RBMS3: variants seen among roughly 807,000 people sequenced by gnomAD.
RBMS3 encodes the protein RNA binding motif single stranded interacting protein 3.
Under a neutral mutation model 66.8 loss-of-function variants are expected in RBMS3, and 27 were observed. That is an observed-to-expected ratio of 0.40 (90% CI 0.30 to 0.56). The LOEUF is 0.56. Among genes scored for constraint, RBMS3 ranks in the 20% least tolerant of loss-of-function variants. The pLI is 0.40. For missense variants in RBMS3, 513 were observed against 549.5 expected, an observed-to-expected ratio of 0.93 and a Z score of 0.66; for synonymous variants, 188 against 183.0, an observed-to-expected ratio of 1.03 and a Z score of -0.22.
intron 2 of RBMS3, among the ~76,000 whole-genome samples, chr3:29,439,289 T>C (rs559423019): frequency 2.0e-5 from 3 of 152,294 alleles, no homozygotes; most frequent in Admixed American, 1.3e-4. Context: ...CATAGCTATA[T>C]TTTTGTTTCA....
intron 3 of RBMS3, chr3:29,537,719 A>T (rs2045619393): frequency 6.7e-6 from 1 of 149,156 alleles, no homozygotes; most frequent in African/African-American, 2.5e-5. Context: ...GCTGCTGGGG[A>T]GGTTGAGGCA....
chr3:29,971,176 C>T (rs1289884057), intron 12 of RBMS3, among the ~76,000 whole-genome samples: 11 of 152,232 alleles, frequency 7.2e-5, no homozygotes, highest in African/African-American at 2.4e-4. Context: ...CTCACTTGTC[C>T]ACCCTGGCCC....
At chr3:29,678,753 G>A (rs1202030132) in intron 4 of RBMS3, among the ~76,000 whole-genome samples, 2 of 152,004 alleles carry the variant, frequency 1.3e-5, no homozygotes, top group African/African-American at 4.8e-5. Flanking sequence ...AGAAGGCTAC[G>A]GGATACTGGA....
At chr3:29,603,309 A>G (rs548352986) in intron 4 of RBMS3, among the ~76,000 whole-genome samples, 2 of 152,146 alleles carry the variant, frequency 1.3e-5, no homozygotes, top group Admixed American at 1.3e-4. Flanking sequence ...TCTCATGTCT[A>G]ACTCCAAAAC....
At chr3:29,720,711 TGTGTGA>T (rs1214266667) in intron 4 of RBMS3, among the ~76,000 whole-genome samples, 65 of 151,396 alleles carry the variant, frequency 4.3e-4, no homozygotes, top group African/African-American at 1.5e-3. Flanking sequence ...TGTGTGTGTG[TGTGTGA>T]GTGTGTGTGT....
At chr3:29,388,654 C>A (rs1020439841) in intron 1 of RBMS3, among the ~76,000 whole-genome samples, 4 of 152,138 alleles carry the variant, frequency 2.6e-5, no homozygotes, top group African/African-American at 9.7e-5. Context: ...GGCTCACTGC[C>A]AGCTCTGCCT....
chr3:29,677,074 A>C (rs2051288301), intron 4 of RBMS3, among the ~76,000 whole-genome samples: 1 of 152,158 alleles, frequency 6.6e-6, no homozygotes, highest in Non-Finnish European at 1.5e-5. Flanking sequence ...ACCAAGAAAG[A>C]CAGAAAGCTA....
intron 1 of RBMS3, among the ~76,000 whole-genome samples, chr3:29,378,404 G>A (rs1025621214): frequency 2.0e-5 from 3 of 151,724 alleles, no homozygotes; most frequent in Non-Finnish European, 2.9e-5. Context: ...ACCCGGAGGC[G>A]GAGCTTGCAG....
intron 6 of RBMS3, among the ~76,000 whole-genome samples, chr3:29,833,785 T>C (rs981244227): frequency 2.6e-5 from 4 of 152,018 alleles, no homozygotes; most frequent in African/African-American, 9.7e-5. Context: ...ATGGCTGAAA[T>C]ATTTCCAAAT....
chr3:29,438,052 C>CTT (rs1488527196), intron 2 of RBMS3, among the ~76,000 whole-genome samples: 30 of 151,996 alleles, frequency 2.0e-4, no homozygotes, highest in Admixed American at 5.3e-4. Flanking sequence ...CTCTCTCTCT[C>CTT]TCTCTCTCTC....
At chr3:29,785,153 C>T (rs1204071467) in intron 6 of RBMS3, among the ~76,000 whole-genome samples, 1 of 152,024 alleles carries the variant, frequency 6.6e-6, no homozygotes, top group Non-Finnish European at 1.5e-5. Context: ...GGGATCTTCC[C>T]TAAATCAATC....
chr3:29,372,747 T>G (rs2038270656), intron 1 of RBMS3, among the ~76,000 whole-genome samples: 1 of 152,124 alleles, frequency 6.6e-6, no homozygotes, highest in African/African-American at 2.4e-5. Context: ...AATTGAAATA[T>G]GTACTCTGCC....
At chr3:29,459,874 G>A (rs2042316918) in intron 2 of RBMS3, among the ~76,000 whole-genome samples, 1 of 152,182 alleles carries the variant, frequency 6.6e-6, no homozygotes, top group Non-Finnish European at 1.5e-5. Flanking sequence ...GAATCCTAGA[G>A]TTAGAGTGTG....
chr3:29,691,900 G>A (rs1397491369), intron 4 of RBMS3, among the ~76,000 whole-genome samples: 2 of 144,022 alleles, frequency 1.4e-5, no homozygotes, highest in Non-Finnish European at 3.0e-5. Context: ...AATCAAACAA[G>A]TTAAGTATAA....
Position 29,586,622 on chromosome 3 carries a change from A to T in RBMS3, c.308-492A>T, listed in dbSNP as rs1415167268. Among the ~76,000 whole-genome samples the T allele has an allele frequency of 3.9e-5, 6 of 152,144 alleles. 1 individual carries two copies. Among genetic ancestry groups the T allele is most frequent in the Admixed American group, 1.3e-4 (2 of 15,260 alleles). On this transcript the variant is annotated intron_variant, in intron 3 of 14. Transcript: ENST00000383767. ...ATCCACAATATTTACTTATTCATGA[A>T]GTCAACATGTATTTATTGAATGCCT...
At chr3:29,373,340 C>T (rs1046420316) in intron 1 of RBMS3, among the ~76,000 whole-genome samples, 2 of 152,184 alleles carry the variant, frequency 1.3e-5, no homozygotes, top group South Asian at 2.1e-4. Context: ...AATCCTCCCC[C>T]TAAAAGAAAT....
At position 29,796,712 on chromosome 3, in the gene RBMS3, C is replaced by CTTTTTTTTTTTTTTT. The variant is rs71295051; in HGVS notation, c.637+33726_637+33740dup. Among the ~76,000 whole-genome samples, 295 of 115,240 alleles carry CTTTTTTTTTTTTTTT rather than the reference C, an allele frequency of 2.6e-3. 31 individuals are homozygous for CTTTTTTTTTTTTTTT. The highest frequency in any genetic ancestry group is 8.9e-3 in the African/African-American group (241 of 27,114). The allele number at this position is 115,240 out of a possible 152,430, so 75.6% of individuals were successfully genotyped here. On this transcript the variant is annotated intron_variant, in intron 6 of 14. Coordinates refer to ENST00000383767, the MANE Select transcript of RBMS3 (RefSeq NM_001003793.3). ...TGAGAAGTAATATTTTGAAAGGAAT[C>CTTTTTTTTTTTTTTT]TTTTTTTTTTTTTTTTTGGAGATGG...
intron 4 of RBMS3, among the ~76,000 whole-genome samples, chr3:29,687,465 C>T (rs2051783324): frequency 6.6e-6 from 1 of 152,146 alleles, no homozygotes; most frequent in Non-Finnish European, 1.5e-5. Flanking sequence ...TTTCTTTTTC[C>T]TTCAACATGA....
chr3:29,587,235 T>TTTTTG (rs771706871), intron 4 of RBMS3, 30 bp downstream of exon 4: 22 of 750,094 alleles, frequency 2.9e-5, no homozygotes, highest in Non-Finnish European at 3.9e-5. Flanking sequence ...GTGTTTTTTT[T>TTTTTG]TTTTTTTTTT....
Sources: allele counts gnomAD v4.1 joint callset (sites outside exome capture counted in the v4.1 genomes callset), GRCh38; gene constraint gnomAD v4.1.1; transcripts MANE v1.5; gene names NCBI Gene and HGNC (gene_info 2026-07-23, HGNC 2026-07-21).